Variants in ALLC observed in about 807,000 individuals in gnomAD.
ALLC encodes the protein allantoicase, also known as probable inactive allantoicase.
ALLC carries 40 observed loss-of-function variants against 45.0 expected under a neutral mutation model. The ratio of observed to expected loss-of-function variants is 0.89; its 90% CI spans 0.69 to 1.16. The LOEUF is 1.16. Ranked by LOEUF, ALLC falls within the 50% of genes most tolerant of loss-of-function variation. ALLC has a pLI of 0.00. For missense variants in ALLC, 488 were observed against 493.1 expected, an observed-to-expected ratio of 0.99 and a Z score of 0.10; for synonymous variants, 176 against 178.1, an observed-to-expected ratio of 0.99 and a Z score of 0.09.
intron 1 of ALLC, among the ~76,000 whole-genome samples, chr2:3,669,276 A>G (rs907411183): frequency 2.6e-5 from 4 of 152,150 alleles, no homozygotes; most frequent in Admixed American, 1.3e-4. Flanking sequence ...GATGGAGACC[A>G]TCCTGGCCAG....
At chr2:3,649,478 T>A in the ALLC span, among the ~76,000 whole-genome samples, 1 of 152,206 alleles carries the variant, frequency 6.6e-6, no homozygotes. Context: ...CCTGACCTCG[T>A]GATCCACCCG....
chr2:3,687,784 T>A (rs1667367416), intron 7 of ALLC, among the ~76,000 whole-genome samples: 2 of 151,050 alleles, frequency 1.3e-5, no homozygotes, highest in African/African-American at 4.8e-5. Flanking sequence ...CATTTCCTTT[T>A]GGCTGAGTAC....
chr2:3,648,303 C>T, the ALLC span, among the ~76,000 whole-genome samples: 11 of 152,364 alleles, frequency 7.2e-5, no homozygotes, highest in African/African-American at 2.4e-4. Context: ...GAAAGCATGT[C>T]TTCCCATCTG....
chr2:3,674,799 A>T (rs1251311129), intron 3 of ALLC, among the ~76,000 whole-genome samples: 2 of 152,212 alleles, frequency 1.3e-5, no homozygotes, highest in Non-Finnish European at 2.9e-5. Flanking sequence ...CCCAGGAGAA[A>T]GTGAAAATAA....
chr2:3,696,935 C>T (rs535524483), intron 9 of ALLC, among the ~76,000 whole-genome samples: 1 of 152,316 alleles, frequency 6.6e-6, no homozygotes, highest in South Asian at 2.1e-4. Flanking sequence ...TATCAATGAA[C>T]AGACTCTCCG....
chr2:3,683,091 C>T lies in ALLC; in HGVS notation c.511+17C>T, dbSNP rs1470927860. On this transcript the variant is annotated intron_variant, in intron 7 of 11. Transcript: ENST00000252505. ...TTTTCCCAGGTAATCGTGACATGGA[C>T]TTATCACCAGTTCCATGGCTTCTTT... 6.2e-7 allele frequency: 1 copy of T among 1,607,234 alleles called. No individual in the cohort carries two copies. The highest frequency in any genetic ancestry group is 1.1e-5 in the South Asian group (1 of 89,286).
chr2:3,701,425 T>C lies in ALLC; in HGVS notation c.851-87T>C, dbSNP rs2148026366. 2.1e-6 allele frequency: 3 copies of C among 1,424,070 alleles called. 1 individual carries two copies. The South Asian group carries it at 4.6e-5, about 22-fold the overall frequency. 88.2% of individuals were successfully genotyped at this position (1,424,070 alleles called of 1,614,324 possible). ...CAGGGACTTGTTTTTTGCTGGGTTTTTGATCTTATTAAAAAAGCATGATAT... is the reference window on the plus strand; with the variant it reads ...CAGGGACTTGTTTTTTGCTGGGTTTCTGATCTTATTAAAAAAGCATGATAT... On this transcript the variant is annotated intron_variant, in intron 10 of 11. Coordinates refer to ENST00000252505, the MANE Select transcript of ALLC (RefSeq NM_018436.4).
chr2:3,660,472 G>A (rs577411038), intron 1 of ALLC, among the ~76,000 whole-genome samples: 1 of 152,096 alleles, frequency 6.6e-6, no homozygotes, highest in Non-Finnish European at 1.5e-5. Flanking sequence ...TTGGGGAGAT[G>A]ATGCTGCCTT....
At chr2:3,677,498 A>T (rs1667055037) in intron 3 of ALLC, among the ~76,000 whole-genome samples, 1 of 152,246 alleles carries the variant, frequency 6.6e-6, no homozygotes, top group Non-Finnish European at 1.5e-5. Context: ...GGCACTTACT[A>T]TGTGCCAGGC....
chr2:3,651,305 TGG>T, the ALLC span, among the ~76,000 whole-genome samples: 2 of 23,348 alleles, frequency 8.6e-5, no homozygotes, highest in Admixed American at 4.7e-4. Context: ...TTTGGGTGGG[TGG>T]GTGGGTGGGG....
At chr2:3,699,868 TTAAATTCCTTA>T (rs1667778936) in intron 10 of ALLC, among the ~76,000 whole-genome samples, 1 of 152,246 alleles carries the variant, frequency 6.6e-6, no homozygotes, top group Non-Finnish European at 1.5e-5. Flanking sequence ...GTAAATTTGT[TTAAATTCCTTA>T]TAGATTCTGG....
chr2:3,657,761 C>T (rs1031219047), upstream of ALLC, among the ~76,000 whole-genome samples: 2 of 152,132 alleles, frequency 1.3e-5, no homozygotes, highest in African/African-American at 4.8e-5. Flanking sequence ...TCTTTAAATT[C>T]CATGAAAATT....
At chr2:3,671,316 A>C (rs1666862322) in intron 2 of ALLC, 126 bp downstream of exon 2, 4 of 1,104,036 alleles carry the variant, frequency 3.6e-6, no homozygotes, top group Non-Finnish European at 5.3e-6. Context: ...CTGCCCAAGG[A>C]AACCCGTTAG....
chr2:3,650,769 A>G, the ALLC span, among the ~76,000 whole-genome samples: 1 of 152,170 alleles, frequency 6.6e-6, no homozygotes, highest in Non-Finnish European at 1.5e-5. Context: ...CCCACCCTGC[A>G]GACCCTCCAC....
Position 3,695,837 on chromosome 2 carries a change from G to C in ALLC, c.632G>C (p.Ser211Thr). The change falls in exon 8 of 12, where the codon AGT (serine) becomes ACT (threonine). Residue 211 changes from serine to threonine, a missense_variant. Physicochemically the swap from Ser to Thr is moderately conservative, Grantham distance 58 (BLOSUM62 1). Transcript: ENST00000252505. ...IAFGGVCVGF[S>T]NAKFGHPNNI... ...TTTGGGGGTGTCTGTGTAGGATTTA[G>C]TAATGCTAAGTTTGGGCACCCAAAC... The C allele has an allele frequency of 6.2e-7, 1 of 1,612,558 alleles. No homozygotes were observed. The highest frequency in any genetic ancestry group is 1.1e-5 in the South Asian group (1 of 90,734).
intron 1 of ALLC, among the ~76,000 whole-genome samples, chr2:3,659,831 T>C (rs973284833): frequency 6.6e-5 from 10 of 152,220 alleles, no homozygotes; most frequent in Non-Finnish European, 1.3e-4. Context: ...CTGTGGATAC[T>C]TCTGGGATTT....
chr2:3,655,532 T>C (rs981711032), upstream of ALLC, among the ~76,000 whole-genome samples: 1 of 152,220 alleles, frequency 6.6e-6, no homozygotes, highest in African/African-American at 2.4e-5. Flanking sequence ...CACAGCTCAT[T>C]GTAGCCTTGA....
chr2:3,651,443 TAGGAA>T, the ALLC span, among the ~76,000 whole-genome samples: 24 of 16,806 alleles, frequency 1.4e-3, 4 homozygotes, highest in Admixed American at 2.9e-3. Flanking sequence ...GTGTGTGTGT[TAGGAA>T]GGGAGACGAG....
intron 6 of ALLC, among the ~76,000 whole-genome samples, chr2:3,682,492 A>G (rs1667204886): frequency 6.6e-6 from 1 of 152,156 alleles, no homozygotes; most frequent in South Asian, 2.1e-4. Flanking sequence ...TTTTTATTAA[A>G]GTGTTTCATT....
Sources: gnomAD v4.1 joint callset for allele counts (sites outside exome capture counted in the v4.1 genomes callset) on GRCh38, gnomAD v4.1.1 for gene constraint, MANE v1.5 for transcripts, NCBI Gene and HGNC (gene_info 2026-07-23, HGNC 2026-07-21) for gene names.